TBC1D5: variants seen among roughly 807,000 people sequenced by gnomAD.
The protein encoded by TBC1D5 is TBC1 domain family, member 5.
Under a neutral mutation model 100.3 loss-of-function variants are expected in TBC1D5, and 75 were observed. That is an observed-to-expected ratio of 0.75 (90% CI 0.62 to 0.91). TBC1D5 has a LOEUF of 0.91. TBC1D5 is among the 40% of genes least tolerant of loss of function. The pLI, the probability that TBC1D5 is intolerant of heterozygous loss-of-function variation, is 0.00. For missense variants in TBC1D5, 910 were observed against 942.4 expected, an observed-to-expected ratio of 0.97 and a Z score of 0.45; for synonymous variants, 323 against 325.6, an observed-to-expected ratio of 0.99 and a Z score of 0.09.
intron 18 of TBC1D5, among the ~76,000 whole-genome samples, chr3:17,193,308 C>T (rs985874621): frequency 6.6e-6 from 1 of 152,142 alleles, no homozygotes; most frequent in Non-Finnish European, 1.5e-5. Context: ...CTTTATTTTT[C>T]CCTGCAAAAA....
At chr3:17,529,845 G>A (rs773629801) in intron 2 of TBC1D5, among the ~76,000 whole-genome samples, 4 of 151,852 alleles carry the variant, frequency 2.6e-5, no homozygotes, top group East Asian at 1.9e-4. Flanking sequence ...AAAATTGGAC[G>A]GAGCACATCA....
intron 15 of TBC1D5, among the ~76,000 whole-genome samples, chr3:17,287,016 C>T (rs1024158218): frequency 1.1e-4 from 16 of 152,120 alleles, no homozygotes; most frequent in Admixed American, 5.2e-4. Context: ...TAATATATGA[C>T]AGTAGTAACA....
intron 1 of TBC1D5, chr3:17,646,830 G>A (rs2065062522): frequency 6.6e-6 from 1 of 151,940 alleles, no homozygotes; most frequent in Non-Finnish European, 1.5e-5. Flanking sequence ...TGGGCTTCTA[G>A]TGCACCCATC....
intron 4 of TBC1D5, 22 bp downstream of exon 4, chr3:17,428,428 T>TAC: frequency 1.5e-6 from 1 of 651,688 alleles, no homozygotes. Flanking sequence ...TATATATATA[T>TAC]ATATATGTAT....
At chr3:17,163,257 C>A (rs1019488435) in intron 21 of TBC1D5, among the ~76,000 whole-genome samples, 62 of 50,192 alleles carry the variant, frequency 1.2e-3, no homozygotes, top group African/African-American at 8.3e-3. Flanking sequence ...TTTTATTGAC[C>A]CCCCCCCCTT....
At chr3:17,583,579 T>G (rs890358022) in intron 2 of TBC1D5, among the ~76,000 whole-genome samples, 1 of 151,944 alleles carries the variant, frequency 6.6e-6, no homozygotes, top group African/African-American at 2.4e-5. Context: ...TACAAAGAAT[T>G]AGCCGGGCAT....
intron 8 of TBC1D5, among the ~76,000 whole-genome samples, chr3:17,385,450 C>T (rs905444783): frequency 4.6e-5 from 7 of 152,096 alleles, no homozygotes; most frequent in Admixed American, 6.5e-5. Context: ...TGGTTTACTG[C>T]CTCCCATTTC....
At chr3:17,463,878 T>C (rs531383173) in intron 3 of TBC1D5, among the ~76,000 whole-genome samples, 6 of 152,192 alleles carry the variant, frequency 3.9e-5, no homozygotes, top group Admixed American at 2.6e-4. Flanking sequence ...AGCTGTTGAT[T>C]TGAGTATTAA....
At chr3:17,435,562 G>C (rs2149459034) in intron 3 of TBC1D5, among the ~76,000 whole-genome samples, 1 of 152,266 alleles carries the variant, frequency 6.6e-6, no homozygotes, top group South Asian at 2.1e-4. Flanking sequence ...AATATCACAA[G>C]AACAGCAGCA....
intron 13 of TBC1D5, among the ~76,000 whole-genome samples, chr3:17,351,116 T>C (rs1350379251): frequency 1.3e-5 from 2 of 152,194 alleles, no homozygotes; most frequent in East Asian, 3.8e-4. Flanking sequence ...GAGTCAAAAT[T>C]TCTATGCTTC....
chr3:17,436,605 C>T lies in TBC1D5; in HGVS notation c.98-8086G>A, dbSNP rs565503063. On this transcript the variant is annotated intron_variant, in intron 3 of 21. Transcript: ENST00000253692. ...GCCCTTATAATATCCTTCCTGACAA[C>T]GATCTTATCAAACATAAAATATTTA... Among the ~76,000 whole-genome samples the T allele has an allele frequency of 1.1e-4, 16 of 152,020 alleles. No individual in the cohort carries two copies. The South Asian group carries it at 1.9e-3, about 18-fold the overall frequency.
At chr3:17,527,443 A>G (rs983464333) in intron 2 of TBC1D5, among the ~76,000 whole-genome samples, 1 of 152,202 alleles carries the variant, frequency 6.6e-6, no homozygotes, top group African/African-American at 2.4e-5. Context: ...AGGCCATGAA[A>G]GGACTTTCAT....
At chr3:17,393,515 T>C (rs1393424767) in intron 8 of TBC1D5, among the ~76,000 whole-genome samples, 1 of 152,050 alleles carries the variant, frequency 6.6e-6, no homozygotes, top group African/African-American at 2.4e-5. Context: ...CATATATTCA[T>C]GACAATCCTA....
chr3:17,627,562 C>T (rs1226511062), intron 1 of TBC1D5, among the ~76,000 whole-genome samples: 1 of 151,776 alleles, frequency 6.6e-6, no homozygotes, highest in Non-Finnish European at 1.5e-5. Context: ...AGAACACAGG[C>T]CCATAAAGAG....
intron 3 of TBC1D5, among the ~76,000 whole-genome samples, chr3:17,494,270 G>C (rs1418109983): frequency 1.3e-5 from 2 of 152,184 alleles, no homozygotes; most frequent in African/African-American, 4.8e-5. Flanking sequence ...GAACAGCAAA[G>C]ATGGGCTGCT....
intron 2 of TBC1D5, among the ~76,000 whole-genome samples, chr3:17,521,347 G>A (rs557180750): frequency 6.6e-6 from 1 of 152,224 alleles, no homozygotes; most frequent in South Asian, 2.1e-4. Flanking sequence ...GCCAACAAGG[G>A]TAACTTCCGC....
At chr3:17,699,702 CATAT>C (rs948641960) in intron 1 of TBC1D5, among the ~76,000 whole-genome samples, 4 of 146,914 alleles carry the variant, frequency 2.7e-5, no homozygotes, top group African/African-American at 1.0e-4. Flanking sequence ...CTTGGATTTA[CATAT>C]ATAGTTTTAA....
chr3:17,201,571 T>C (rs1249464508), intron 18 of TBC1D5, among the ~76,000 whole-genome samples: 1 of 152,180 alleles, frequency 6.6e-6, no homozygotes, highest in African/African-American at 2.4e-5. Context: ...CCAAATCTCA[T>C]CTTGAACTGT....
chr3:17,534,467 CTG>C (rs1194794553), intron 2 of TBC1D5, among the ~76,000 whole-genome samples: 4 of 152,070 alleles, frequency 2.6e-5, no homozygotes, highest in Admixed American at 1.3e-4. Context: ...TTCTTTTTAC[CTG>C]TTCCTTTTGG....
Sources: gnomAD v4.1 joint callset for allele counts (sites outside exome capture counted in the v4.1 genomes callset) on GRCh38, gnomAD v4.1.1 for gene constraint, MANE v1.5 for transcripts, NCBI Gene and HGNC (gene_info 2026-07-23, HGNC 2026-07-21) for gene names.